BLTP1: variants seen among roughly 807,000 people sequenced by gnomAD.
BLTP1 encodes bridge-like lipid transfer protein family member 1.
At chr4:122,362,591 G>C in the BLTP1 span, 1 of 169,256 alleles carries the variant, frequency 5.9e-6, no homozygotes, top group African/African-American at 2.4e-5. Context: ...AAAAAATCTT[G>C]TTGATGATAA....
At chr4:122,225,619 G>A in the BLTP1 span, 2 of 152,066 alleles carry the variant, frequency 1.3e-5, no homozygotes, top group African/African-American at 4.8e-5. Flanking sequence ...TCTAGAAATG[G>A]TGAGAAAATG....
chr4:122,316,535 A>G, the BLTP1 span: 3 of 626,698 alleles, frequency 4.8e-6, no homozygotes, highest in South Asian at 4.5e-5. Flanking sequence ...TGCAGAGCAC[A>G]CTCATGGGGA....
At chr4:122,304,665 A>G in the BLTP1 span, 5 of 1,427,086 alleles carry the variant, frequency 3.5e-6, no homozygotes, top group Non-Finnish European at 4.6e-6. Flanking sequence ...AACCCATATT[A>G]TCTCCAAGGT....
At chr4:122,187,044 G>A in the BLTP1 span, 2 of 984,982 alleles carry the variant, frequency 2.0e-6, no homozygotes, top group Non-Finnish European at 2.4e-6. Flanking sequence ...AAACATCAAA[G>A]TGACTTGTAC....
chr4:122,222,802 CA>C, the BLTP1 span: 6 of 166,294 alleles, frequency 3.6e-5, no homozygotes, highest in African/African-American at 1.4e-4. Context: ...ATCCTGTTTT[CA>C]AAAAAGATCA....
the BLTP1 span, among the ~76,000 whole-genome samples, chr4:122,317,420 T>C: frequency 6.6e-6 from 1 of 152,186 alleles, no homozygotes; most frequent in Non-Finnish European, 1.5e-5. Flanking sequence ...TTATATCACA[T>C]ATATGTATCT....
At chr4:122,197,280 C>T in the BLTP1 span, 2 of 1,460,196 alleles carry the variant, frequency 1.4e-6, no homozygotes, top group South Asian at 1.5e-5. Context: ...AAATGGTAAG[C>T]TGCAACTGTT....
the BLTP1 span, chr4:122,316,607 TTC>T: frequency 7.6e-7 from 1 of 1,314,908 alleles, no homozygotes; most frequent in Non-Finnish European, 1.1e-6. Context: ...CAATGGAGAA[TTC>T]CAACCTTAAT....
the BLTP1 span, chr4:122,179,854 C>G: frequency 1.0e-6 from 1 of 985,190 alleles, no homozygotes; most frequent in Non-Finnish European, 1.2e-6. Context: ...GATAAATACA[C>G]AGAGGCTACA....
the BLTP1 span, among the ~76,000 whole-genome samples, chr4:122,280,476 T>C: frequency 6.6e-6 from 1 of 152,064 alleles, no homozygotes; most frequent in South Asian, 2.1e-4. Context: ...ACATCTTCAC[T>C]GCTGAGCCTT....
chr4:122,181,021 T>A, the BLTP1 span, among the ~76,000 whole-genome samples: 1 of 152,202 alleles, frequency 6.6e-6, no homozygotes, highest in South Asian at 2.1e-4. Context: ...TTTATTCAGA[T>A]CCATATTCAT....
the BLTP1 span, among the ~76,000 whole-genome samples, chr4:122,294,094 A>G: frequency 1.3e-5 from 2 of 152,134 alleles, no homozygotes; most frequent in African/African-American, 2.4e-5. Flanking sequence ...AGAGTTATAC[A>G]TACAGAACTC....
chr4:122,288,260 G>T, the BLTP1 span, among the ~76,000 whole-genome samples: 1 of 152,136 alleles, frequency 6.6e-6, no homozygotes, highest in Non-Finnish European at 1.5e-5. Flanking sequence ...TATCTCTGAT[G>T]ATTTACTAAT....
chr4:122,240,312 A>G, the BLTP1 span: 1 of 1,614,108 alleles, frequency 6.2e-7, no homozygotes, highest in East Asian at 2.2e-5. Flanking sequence ...CAGTGAAGAA[A>G]GTTCATCGTC....
chr4:122,272,886 T>C, the BLTP1 span, among the ~76,000 whole-genome samples: 2 of 152,124 alleles, frequency 1.3e-5, no homozygotes, highest in Non-Finnish European at 2.9e-5. Flanking sequence ...TGATATTTTG[T>C]CAAATCCAGG....
At chr4:122,290,099 G>A in the BLTP1 span, among the ~76,000 whole-genome samples, 1 of 152,192 alleles carries the variant, frequency 6.6e-6, no homozygotes, top group Non-Finnish European at 1.5e-5. Flanking sequence ...ACTACATTAT[G>A]TAGCAGCTGT....
At chr4:122,215,471 C>T in the BLTP1 span, 6 of 985,046 alleles carry the variant, frequency 6.1e-6, no homozygotes, top group African/African-American at 1.0e-4. Flanking sequence ...TAGTTGAGTC[C>T]TTAGATCAGC....
At chr4:122,208,461 T>A in the BLTP1 span, 1 of 977,648 alleles carries the variant, frequency 1.0e-6, no homozygotes, top group African/African-American at 1.8e-5. Flanking sequence ...GATTTGCCAG[T>A]TCTGAATTAT....
At chr4:122,324,010 G>A in the BLTP1 span, among the ~76,000 whole-genome samples, 1 of 152,008 alleles carries the variant, frequency 6.6e-6, no homozygotes, top group African/African-American at 2.4e-5. Context: ...TTCCTTTGTT[G>A]TAATGAAGAG....
Sources: gnomAD v4.1 joint callset for allele counts (sites outside exome capture counted in the v4.1 genomes callset) on GRCh38, gnomAD v4.1.1 for gene constraint, MANE v1.5 for transcripts, NCBI Gene and HGNC (gene_info 2026-07-23, HGNC 2026-07-21) for gene names.